The following ELMO1 variants were observed in gnomAD, a reference collection of about 807,000 sequenced individuals.
ELMO1 encodes the protein engulfment and cell motility protein 1.
Under a neutral mutation model 98.9 loss-of-function variants are expected in ELMO1, and 26 were observed. The ratio of observed to expected loss-of-function variants is 0.26; its 90% CI spans 0.19 to 0.36. The LOEUF is 0.36. ELMO1 is among the 10% of genes least tolerant of loss of function. The pLI, the probability that ELMO1 is intolerant of heterozygous loss-of-function variation, is 1.00. For synonymous variants in ELMO1, 346 were observed against 346.0 expected (o/e 1.00, Z 0.00); for missense variants, 627 against 935.2 (o/e 0.67, Z 4.30).
intron 5 of ELMO1, among the ~76,000 whole-genome samples, chr7:37,261,331 T>C (rs1370598905): frequency 2.0e-5 from 3 of 152,234 alleles, no homozygotes; most frequent in South Asian, 2.1e-4. Context: ...ACTGGGCAGC[T>C]GGACTCCAGA....
intron 1 of ELMO1, among the ~76,000 whole-genome samples, chr7:37,402,670 T>C (rs1803586480): frequency 1.3e-5 from 2 of 152,180 alleles, no homozygotes. Context: ...TCTGGTTAAG[T>C]AAACAATTAA....
At chr7:37,428,077 G>A (rs984966565) in intron 1 of ELMO1, among the ~76,000 whole-genome samples, 11 of 151,212 alleles carry the variant, frequency 7.3e-5, no homozygotes, top group African/African-American at 2.4e-4. Flanking sequence ...GCACACACAC[G>A]TTGGAGGGGA....
At chr7:36,875,452 C>T (rs1803871437) in intron 19 of ELMO1, among the ~76,000 whole-genome samples, 1 of 152,188 alleles carries the variant, frequency 6.6e-6, no homozygotes, top group South Asian at 2.1e-4. Flanking sequence ...AATAGATCCA[C>T]ACAAGTATGC....
At chr7:36,862,694 C>A (rs1802730321) in intron 20 of ELMO1, among the ~76,000 whole-genome samples, 1 of 152,252 alleles carries the variant, frequency 6.6e-6, no homozygotes, top group Non-Finnish European at 1.5e-5. Flanking sequence ...ACGCTCTACA[C>A]TGTTCCAGCA....
chr7:37,422,065 G>T (rs1804497315), intron 1 of ELMO1, among the ~76,000 whole-genome samples: 1 of 152,174 alleles, frequency 6.6e-6, no homozygotes. Flanking sequence ...GATATTTGTG[G>T]TCTCATCTGA....
At chr7:37,350,148 G>T (rs969514098) in intron 1 of ELMO1, among the ~76,000 whole-genome samples, 2 of 152,180 alleles carry the variant, frequency 1.3e-5, no homozygotes, top group African/African-American at 4.8e-5. Flanking sequence ...CGGGGCCTAA[G>T]AGGAAGTTTG....
At chr7:37,331,333 C>CTTTTTTTTTTTTTT (rs776303689) in intron 2 of ELMO1, among the ~76,000 whole-genome samples, 22 of 28,734 alleles carry the variant, frequency 7.7e-4, no homozygotes, top group South Asian at 2.1e-3. Context: ...CCACGCCTGG[C>CTTTTTTTTTTTTTT]TTTTTTTTTT....
At chr7:37,247,643 G>C (rs1162698139) in intron 6 of ELMO1, among the ~76,000 whole-genome samples, 3 of 152,158 alleles carry the variant, frequency 2.0e-5, no homozygotes, top group Admixed American at 6.5e-5. Context: ...TCTATAAAAT[G>C]GCTGACCTAT....
intron 13 of ELMO1, among the ~76,000 whole-genome samples, chr7:37,193,803 C>T (rs1791798399): frequency 1.3e-5 from 2 of 152,322 alleles, no homozygotes; most frequent in South Asian, 4.1e-4. Context: ...TTCTCTCCTG[C>T]TGGCAGATGA....
At chr7:36,893,600 C>A (rs1562802922) in intron 17 of ELMO1, among the ~76,000 whole-genome samples, 1 of 152,180 alleles carries the variant, frequency 6.6e-6, no homozygotes, top group Non-Finnish European at 1.5e-5. Context: ...TAGCTATTGT[C>A]CTTTTAGACC....
At chr7:37,188,083 T>C (rs1220845284) in intron 13 of ELMO1, among the ~76,000 whole-genome samples, 1 of 152,090 alleles carries the variant, frequency 6.6e-6, no homozygotes, top group African/African-American at 2.4e-5. Context: ...GCAATCATAA[T>C]CACTTTTACC....
chr7:37,177,091 G>T (rs1389121101), intron 13 of ELMO1, among the ~76,000 whole-genome samples: 2 of 152,198 alleles, frequency 1.3e-5, no homozygotes, highest in Non-Finnish European at 2.9e-5. Flanking sequence ...GAAATTAAGA[G>T]CTTCAAGGAA....
chr7:37,342,845 C>T lies in ELMO1; in HGVS notation c.-73-82G>A. 1.5e-6 allele frequency: 1 copy of T among 663,634 alleles called. No homozygotes were observed. The highest frequency in any genetic ancestry group is 2.5e-6 in the Non-Finnish European group (1 of 403,482). 41.1% of individuals were successfully genotyped at this position (663,634 alleles called of 1,614,324 possible). A position where few individuals can be genotyped will look rare whatever the true frequency, so the allele number is the denominator to read the frequency against. On this transcript the variant is annotated intron_variant, in intron 1 of 21. Transcript: ENST00000310758. This position sits in a 1 kb window ranked among gnomAD's most constrained non-coding sequence, Gnocchi z 4.3. The stretch of plus-strand genomic sequence containing the variant: ...ATTTTGCTTCATCACTTCCTGTTTT[C>T]ACTGGTGGTTTGGTATGAAAAACGG...
intron 15 of ELMO1, among the ~76,000 whole-genome samples, chr7:37,072,409 C>T (rs1170656884): frequency 2.0e-5 from 3 of 152,068 alleles, no homozygotes; most frequent in African/African-American, 7.3e-5. Context: ...CTGCCATCCA[C>T]GTACGATGTG....
chr7:37,282,946 C>G (rs535658790), intron 4 of ELMO1, among the ~76,000 whole-genome samples: 7 of 152,134 alleles, frequency 4.6e-5, no homozygotes, highest in Non-Finnish European at 1.0e-4. Context: ...ATTCCCAAAG[C>G]CAAAAAAAGA....
intron 13 of ELMO1, among the ~76,000 whole-genome samples, chr7:37,169,763 T>G (rs1472393920): frequency 6.6e-6 from 1 of 152,184 alleles, no homozygotes. Context: ...ATCATCACAC[T>G]TAGGAACCAA....
chr7:37,304,353 G>A (rs1186848716), intron 4 of ELMO1, among the ~76,000 whole-genome samples: 2 of 152,012 alleles, frequency 1.3e-5, no homozygotes, highest in African/African-American at 2.4e-5. Flanking sequence ...GTGTGAGGGT[G>A]TGTGTGTGTG....
At chr7:37,331,528 C>T (rs576676622) in intron 2 of ELMO1, among the ~76,000 whole-genome samples, 16 of 151,936 alleles carry the variant, frequency 1.1e-4, no homozygotes, top group Non-Finnish European at 1.8e-4. Flanking sequence ...CTCTTTCTCA[C>T]ATACACCTGT....
chr7:37,194,603 A>G (rs1482849989), intron 13 of ELMO1, among the ~76,000 whole-genome samples: 1 of 152,170 alleles, frequency 6.6e-6, no homozygotes. Flanking sequence ...GCAGCACATA[A>G]TATTTTATGG....
Sources: allele counts gnomAD v4.1 joint callset (sites outside exome capture counted in the v4.1 genomes callset), GRCh38; gene constraint gnomAD v4.1.1; non-coding constraint Gnocchi (gnomAD v3.1); transcripts MANE v1.5; gene names NCBI Gene and HGNC (gene_info 2026-07-23, HGNC 2026-07-21).